ZNF254: variants seen among roughly 807,000 people sequenced by gnomAD.
The protein encoded by ZNF254 is zinc finger protein 254, also known as CTD-2017D11.1.
ZNF254 carries 10 observed loss-of-function variants against 12.4 expected under a neutral mutation model. The ratio of observed to expected loss-of-function variants is 0.80; its 90% CI spans 0.50 to 1.36. ZNF254 has a LOEUF of 1.36. Ranked by LOEUF, ZNF254 falls within the 40% of genes most tolerant of loss-of-function variation. The pLI is 0.00. For synonymous variants in ZNF254, 305 were observed against 253.4 expected (o/e 1.20, Z -1.93); for missense variants, 996 against 763.9 (o/e 1.30, Z -3.58).
At chr19:24,110,542 G>A (rs1174224092) in intron 3 of ZNF254, among the ~76,000 whole-genome samples, 1 of 151,770 alleles carries the variant, frequency 6.6e-6, no homozygotes, top group South Asian at 2.1e-4. Context: ...TGCAAGCTTG[G>A]GTGACAGATT....
chr19:24,112,496 G>T (rs1212965812), intron 3 of ZNF254, among the ~76,000 whole-genome samples: 2 of 149,596 alleles, frequency 1.3e-5, no homozygotes, highest in Admixed American at 1.3e-4. Context: ...GAAAATCATT[G>T]GTAGCTTGAT....
At chr19:24,123,546 A>G (rs1306533440) in intron 3 of ZNF254, among the ~76,000 whole-genome samples, 1 of 152,032 alleles carries the variant, frequency 6.6e-6, no homozygotes, top group Non-Finnish European at 1.5e-5. Flanking sequence ...TGTTTCTTCC[A>G]TTCTGTCAAT....
chr19:24,072,767 G>A (rs1462987445), intron 2 of ZNF254, among the ~76,000 whole-genome samples: 4 of 152,206 alleles, frequency 2.6e-5, no homozygotes, highest in Non-Finnish European at 5.9e-5. Flanking sequence ...TGTTGTCTGT[G>A]CCTTGCTTTC....
chr19:24,072,695 G>C (rs1971524780), intron 2 of ZNF254, among the ~76,000 whole-genome samples: 1 of 152,184 alleles, frequency 6.6e-6, no homozygotes, highest in African/African-American at 2.4e-5. Context: ...TGTGTACCCA[G>C]GTCTTACCTG....
chr19:24,102,634 C>CT (rs1411086248), intron 1 of ZNF254, among the ~76,000 whole-genome samples: 1 of 152,038 alleles, frequency 6.6e-6, no homozygotes, highest in Non-Finnish European at 1.5e-5. Flanking sequence ...GGTGCTCACA[C>CT]TTTTCTGAAA....
chr19:24,119,176 A>G (rs547695705), intron 3 of ZNF254, among the ~76,000 whole-genome samples: 27 of 152,076 alleles, frequency 1.8e-4, no homozygotes, highest in African/African-American at 6.5e-4. Flanking sequence ...GGTTTAAGGA[A>G]ATAAACTTTA....
At chr19:24,113,017 G>A (rs79724581) in intron 3 of ZNF254, among the ~76,000 whole-genome samples, 1 of 152,116 alleles carries the variant, frequency 6.6e-6, no homozygotes, top group South Asian at 2.1e-4. Flanking sequence ...AATAAAAGGA[G>A]CTGAAATTGT....
chr19:24,040,460 A>G (rs1337940190), intron 1 of ZNF254, among the ~76,000 whole-genome samples: 3 of 152,204 alleles, frequency 2.0e-5, no homozygotes, highest in Admixed American at 2.0e-4. Flanking sequence ...GAGAAAGTAA[A>G]TAGAAACACA....
At chr19:24,111,866 T>A (rs1973704333) in intron 3 of ZNF254, among the ~76,000 whole-genome samples, 1 of 151,862 alleles carries the variant, frequency 6.6e-6, no homozygotes, top group East Asian at 1.9e-4. Flanking sequence ...GTCAGATGAG[T>A]AGGTTGCGAA....
intron 2 of ZNF254, chr19:24,079,095 G>T (rs1971758458): frequency 6.6e-6 from 1 of 152,156 alleles, no homozygotes; most frequent in African/African-American, 2.4e-5. Flanking sequence ...AAGTGGTAGG[G>T]AAAATGGGAT....
intron 3 of ZNF254, among the ~76,000 whole-genome samples, chr19:24,124,963 T>A (rs1338331495): frequency 2.0e-5 from 3 of 151,990 alleles, no homozygotes; most frequent in South Asian, 2.1e-4. Flanking sequence ...TTTTATAGTT[T>A]TAGTAGAGAC....
At chr19:24,111,539 C>G (rs1973682197) in intron 3 of ZNF254, among the ~76,000 whole-genome samples, 1 of 151,904 alleles carries the variant, frequency 6.6e-6, no homozygotes, top group African/African-American at 2.4e-5. Flanking sequence ...CTGACTTCCA[C>G]AATGGTTGAA....
chr19:24,079,144 G>A (rs897258082), intron 2 of ZNF254: 58 of 152,150 alleles, frequency 3.8e-4, no homozygotes, highest in African/African-American at 1.4e-3. Flanking sequence ...TTCTCAGTCA[G>A]AATGAAACCC....
At chr19:24,045,806 G>A (rs1252787583) in intron 1 of ZNF254, among the ~76,000 whole-genome samples, 1 of 152,000 alleles carries the variant, frequency 6.6e-6, no homozygotes, top group African/African-American at 2.4e-5. Flanking sequence ...ACAACTCGCT[G>A]GGTTGCAACA....
chr19:24,116,842 T>C (rs925338260), intron 3 of ZNF254, among the ~76,000 whole-genome samples: 3 of 152,140 alleles, frequency 2.0e-5, no homozygotes, highest in Non-Finnish European at 4.4e-5. Flanking sequence ...CTTTTGGTCT[T>C]TGACGATGGT....
intron 1 of ZNF254, 139 bp downstream of exon 1, chr19:24,087,476 A>G: frequency 5.5e-6 from 6 of 1,098,100 alleles, no homozygotes; most frequent in South Asian, 1.3e-5. Context: ...CCCTTCAGAA[A>G]TAAGATGGCG....
intron 2 of ZNF254, among the ~76,000 whole-genome samples, chr19:24,081,009 C>G (rs1399072133): frequency 7.4e-5 from 10 of 135,956 alleles, no homozygotes; most frequent in African/African-American, 2.8e-4. Flanking sequence ...CCCGGGAGGC[C>G]GAAGTTGCAG....
intron 3 of ZNF254, among the ~76,000 whole-genome samples, chr19:24,118,210 C>T (rs1230377226): frequency 6.6e-6 from 1 of 151,898 alleles, no homozygotes; most frequent in African/African-American, 2.4e-5. Context: ...CGTGCCACCA[C>T]ATCTGGCTAA....
intron 1 of ZNF254, among the ~76,000 whole-genome samples, chr19:24,099,169 TTTTTTTC>T (rs1360148678): frequency 1.3e-5 from 2 of 149,130 alleles, no homozygotes; most frequent in East Asian, 2.0e-4. Flanking sequence ...CTATTTTTTT[TTTTTTTC>T]TTGTATTTTT....
Sources: allele counts gnomAD v4.1 joint callset (sites outside exome capture counted in the v4.1 genomes callset), GRCh38; gene constraint gnomAD v4.1.1; transcripts MANE v1.5; gene names NCBI Gene and HGNC (gene_info 2026-07-23, HGNC 2026-07-21).